PPA2: variants seen among roughly 807,000 people sequenced by gnomAD.
PPA2 encodes inorganic pyrophosphatase 2, mitochondrial.
Under a neutral mutation model 49.5 loss-of-function variants are expected in PPA2, and 48 were observed. The observed-to-expected ratio is 0.97, with a 90% CI of 0.77 to 1.23. The LOEUF (loss-of-function observed/expected upper bound fraction) is 1.23, where lower values mean the gene tolerates loss of function less well. Among genes scored for constraint, PPA2 ranks in the 50% most tolerant of loss-of-function variants. The probability of loss-of-function intolerance (pLI) is 0.00; values close to 1 mark genes in which losing one functional copy is unlikely to be tolerated. For synonymous variants in PPA2, 131 were observed against 139.9 expected (o/e 0.94, Z 0.45); for missense variants, 429 against 410.1 (o/e 1.05, Z -0.40).
chr4:105,377,559 T>A (rs1033547572), intron 10 of PPA2, among the ~76,000 whole-genome samples: 11 of 152,152 alleles, frequency 7.2e-5, no homozygotes, highest in African/African-American at 2.4e-4. Flanking sequence ...TAGACTAACA[T>A]TGACCTGAAA....
At chr4:105,404,091 C>T (rs188014647) in intron 7 of PPA2, among the ~76,000 whole-genome samples, 23 of 151,864 alleles carry the variant, frequency 1.5e-4, no homozygotes, top group Admixed American at 9.8e-4. Flanking sequence ...AGACCATGAA[C>T]AGTATATATG....
At chr4:105,405,829 C>A in intron 7 of PPA2, 1 of 464,384 alleles carries the variant, frequency 2.2e-6, no homozygotes, top group South Asian at 1.5e-5. Context: ...AGGGCTGCAT[C>A]CAGGGGCACA....
At chr4:105,396,440 G>A (rs1734152357) in intron 8 of PPA2, 106 bp from the exon 9 acceptor site, 1 of 731,626 alleles carries the variant, frequency 1.4e-6, no homozygotes, top group Non-Finnish European at 2.1e-6. Flanking sequence ...AAGAGCATGA[G>A]CTCCAGAGTC....
intron 7 of PPA2, among the ~76,000 whole-genome samples, chr4:105,409,853 G>A (rs1299980345): frequency 6.6e-6 from 1 of 152,178 alleles, no homozygotes; most frequent in South Asian, 2.1e-4. Context: ...CTAACAGAAA[G>A]GAATAGCATC....
At chr4:105,408,427 A>T (rs1203993305) in intron 7 of PPA2, among the ~76,000 whole-genome samples, 1 of 152,050 alleles carries the variant, frequency 6.6e-6, no homozygotes, top group African/African-American at 2.4e-5. Flanking sequence ...TTTAAAATAA[A>T]ATAAGTCTGG....
chr4:105,398,225 C>T (rs1734223988), intron 8 of PPA2: 1 of 151,800 alleles, frequency 6.6e-6, no homozygotes, highest in Admixed American at 6.6e-5. Flanking sequence ...TATAAATTTT[C>T]AATCCTTTAA....
At chr4:105,451,499 A>G (rs1722674217) in intron 3 of PPA2, among the ~76,000 whole-genome samples, 1 of 152,134 alleles carries the variant, frequency 6.6e-6, no homozygotes, top group South Asian at 2.1e-4. Flanking sequence ...GTTATGTTTC[A>G]TTTTCTATGC....
In PPA2 at chr4:105,423,655, T is replaced by C. The variant is rs76727120; in HGVS notation, c.655+541A>G. Among the ~76,000 whole-genome samples, 1,099 of 152,286 alleles carry C rather than the reference T, an allele frequency of 7.2e-3. 16 individuals are homozygous for C. Among genetic ancestry groups the C allele is most frequent in the African/African-American group, 0.026 (1,062 of 41,570 alleles). ...TCTGACTCCAAACAAAATTAAATCA[T>C]GCCAAGCTATTTCCAGAACTTAAAA... On this transcript the variant is annotated intron_variant, in intron 7 of 11. Transcript: ENST00000341695.
intron 11 of PPA2, 106 bp from the exon 12 acceptor site, chr4:105,369,859 TACAA>T (rs776660101): frequency 4.0e-5 from 42 of 1,038,438 alleles, no homozygotes; most frequent in African/African-American, 7.9e-5. Context: ...TTTAGGCAGA[TACAA>T]ACAGTCATAA....
chr4:105,401,375 CAA>C (rs1722182084), intron 7 of PPA2, among the ~76,000 whole-genome samples: 1 of 151,876 alleles, frequency 6.6e-6, no homozygotes, highest in African/African-American at 2.4e-5. Flanking sequence ...TAACATTGCC[CAA>C]AAGTTTTATT....
At chr4:105,443,256 T>C (rs376750280) in intron 5 of PPA2, among the ~76,000 whole-genome samples, 1 of 151,936 alleles carries the variant, frequency 6.6e-6, no homozygotes, top group South Asian at 2.1e-4. Flanking sequence ...GAAAGGAGTG[T>C]TCCCAGGAAA....
At chr4:105,413,978 T>C (rs1368157435) in intron 7 of PPA2, among the ~76,000 whole-genome samples, 2 of 152,174 alleles carry the variant, frequency 1.3e-5, no homozygotes, top group African/African-American at 2.4e-5. Context: ...AAAGGGTTAA[T>C]ATGCAAAAAC....
intron 7 of PPA2, among the ~76,000 whole-genome samples, chr4:105,402,823 C>T (rs150469500): frequency 1.2e-3 from 188 of 151,972 alleles, no homozygotes; most frequent in African/African-American, 4.2e-3. Context: ...CCTAGACAAA[C>T]GTAGTTGTAT....
chr4:105,379,004 T>A (rs1472892291), intron 10 of PPA2, among the ~76,000 whole-genome samples: 1 of 152,116 alleles, frequency 6.6e-6, no homozygotes, highest in Non-Finnish European at 1.5e-5. Context: ...TTTATTTATA[T>A]CAGCTTGTTA....
chr4:105,473,409 C>T (rs1207905845), intron 1 of PPA2: 6 of 370,984 alleles, frequency 1.6e-5, no homozygotes, highest in Non-Finnish European at 2.6e-5. Context: ...CTGGATTAGG[C>T]ATCCGCAAAG....
chr4:105,459,359 CA>C (rs1372995802), intron 1 of PPA2, among the ~76,000 whole-genome samples: 1 of 152,086 alleles, frequency 6.6e-6, no homozygotes, highest in Non-Finnish European at 1.5e-5. Flanking sequence ...CACAAGAACA[CA>C]AAAAACAAAA....
chr4:105,420,888 T>C (rs994805410), intron 7 of PPA2, among the ~76,000 whole-genome samples: 3 of 152,220 alleles, frequency 2.0e-5, no homozygotes, highest in African/African-American at 7.2e-5. Flanking sequence ...ACTAAATGAA[T>C]ATTTACATAA....
chr4:105,447,992 C>T (rs977894231), intron 4 of PPA2: 21 of 287,284 alleles, frequency 7.3e-5, no homozygotes, highest in East Asian at 6.4e-4. Context: ...GTGATCTGCC[C>T]GCCTTGGTTT....
rs114514354 is a variant in PPA2, at chr4:105,426,184, A to G, written c.529-1862T>C. Among the ~76,000 whole-genome samples, 1,376 of 152,290 alleles carry G rather than the reference A, an allele frequency of 9.0e-3. 17 individuals carry two copies. The highest frequency in any genetic ancestry group is 0.031 in the African/African-American group (1,299 of 41,562). On this transcript the variant is annotated intron_variant, in intron 6 of 11. Coordinates refer to ENST00000341695, the MANE Select transcript of PPA2 (RefSeq NM_176869.3). Reference sequence around the variant, plus strand: ...ATATATACATAATGACTTAAAGTTTATTTTAATAGTTAAAAAAATAGGAGG... The same window carrying G: ...ATATATACATAATGACTTAAAGTTTGTTTTAATAGTTAAAAAAATAGGAGG...
Sources: gnomAD v4.1 joint callset for allele counts (sites outside exome capture counted in the v4.1 genomes callset) on GRCh38, gnomAD v4.1.1 for gene constraint, MANE v1.5 for transcripts, NCBI Gene and HGNC (gene_info 2026-07-23, HGNC 2026-07-21) for gene names.